Variants in PSMG2 observed in about 807,000 individuals in gnomAD.
PSMG2 encodes proteasome assembly chaperone 2, also known as CD40 ligand-activated specific transcript 3.
PSMG2 carries 21 observed loss-of-function variants against 31.5 expected under a neutral mutation model. That is an observed-to-expected ratio of 0.67 (90% confidence interval 0.47 to 0.96). The LOEUF (loss-of-function observed/expected upper bound fraction) is 0.96, where lower values mean the gene tolerates loss of function less well. Ranked by LOEUF, PSMG2 falls within the 40% of genes least tolerant of loss-of-function variation. PSMG2 has a pLI of 0.00. For synonymous variants in PSMG2, 120 were observed against 110.4 expected (o/e 1.09, Z -0.54); for missense variants, 318 against 321.2 (o/e 0.99, Z 0.08).
At chr18:12,695,414 G>C (rs866828697) in intron 1 of PSMG2, 1 of 720,908 alleles carries the variant, frequency 1.4e-6, no homozygotes, top group South Asian at 2.4e-5. Flanking sequence ...GTCAACCAAA[G>C]TCTAACCAAA....
chr18:12,700,925 T>C, upstream of PSMG2: 1 of 1,523,596 alleles, frequency 6.6e-7, no homozygotes. Context: ...TATACATATA[T>C]ACTCTCATTT....
chr18:12,662,299 C>A (rs2038707725), intron 1 of PSMG2: 1 of 368,908 alleles, frequency 2.7e-6, no homozygotes, highest in South Asian at 2.1e-5. Context: ...AAAATGTGCT[C>A]TTCAGTTATA....
chr18:12,724,379 GGT>G (rs1598689886), intron 5 of PSMG2, 118 bp from the exon 6 acceptor site: 2 of 985,038 alleles, frequency 2.0e-6, no homozygotes, highest in East Asian at 2.9e-5. Flanking sequence ...GTGATCTTAT[GGT>G]GTGGCGTCTT....
chr18:12,706,220 G>A (rs1339988654), intron 1 of PSMG2, among the ~76,000 whole-genome samples: 1 of 152,254 alleles, frequency 6.6e-6, no homozygotes, highest in African/African-American at 2.4e-5. Context: ...TGTAATCCCA[G>A]CACTTTGGGA....
chr18:12,678,689 CCGGATG>C (rs1167682060), intron 1 of PSMG2, among the ~76,000 whole-genome samples: 1 of 152,072 alleles, frequency 6.6e-6, no homozygotes, highest in Non-Finnish European at 1.5e-5. Context: ...AGATCAAAGG[CCGGATG>C]CGGTAGTCCC....
At chr18:12,675,222 C>T (rs531838154) in intron 1 of PSMG2, among the ~76,000 whole-genome samples, 10 of 152,178 alleles carry the variant, frequency 6.6e-5, no homozygotes, top group Non-Finnish European at 5.9e-5. Context: ...AGGTGAAACC[C>T]TGTATCTACT....
At chr18:12,666,153 C>CAA (rs35334528) in intron 1 of PSMG2, among the ~76,000 whole-genome samples, 3 of 116,876 alleles carry the variant, frequency 2.6e-5, no homozygotes, top group African/African-American at 6.9e-5. Context: ...CTCATCTCTA[C>CAA]AAAAAAAAAA....
chr18:12,696,802 A>G (rs2039973475), intron 1 of PSMG2, among the ~76,000 whole-genome samples: 1 of 152,144 alleles, frequency 6.6e-6, no homozygotes, highest in African/African-American at 2.4e-5. Context: ...ACACTGTAAA[A>G]GGTTGGGAGA....
intron 1 of PSMG2, chr18:12,678,209 A>G (rs1305904089): frequency 1.2e-6 from 2 of 1,614,054 alleles, no homozygotes; most frequent in Non-Finnish European, 1.7e-6. Flanking sequence ...AAAGGGAGGA[A>G]GGGATGTTGT....
intron 1 of PSMG2, chr18:12,686,067 A>T: frequency 2.1e-6 from 1 of 468,542 alleles, no homozygotes; most frequent in African/African-American, 2.0e-5. Flanking sequence ...AATTTGTACT[A>T]TTTTTTATTA....
chr18:12,690,676 CG>C (rs2145066837), intron 1 of PSMG2, among the ~76,000 whole-genome samples: 1 of 152,084 alleles, frequency 6.6e-6, no homozygotes, highest in East Asian at 1.9e-4. Flanking sequence ...AGGATGGTCT[CG>C]ATCTCCTGAC....
In PSMG2 at chr18:12,707,041, C is replaced by T. The variant is rs368189400; in HGVS notation, c.229+320C>T. ...CGCGATCTCCGCTCACTGCAAGCTC[C>T]GCCTCCCGGGTTCACGCCATTCTCC... On this transcript the variant is annotated intron_variant, in intron 2 of 6. Coordinates refer to ENST00000317615, the MANE Select transcript of PSMG2 (RefSeq NM_020232.5). 5.1e-4 allele frequency among the ~76,000 whole-genome samples: 77 copies of T among 152,246 alleles called. 1 individual carries two copies. The Middle Eastern group carries it at 0.014, about 27-fold the overall frequency.
At chr18:12,709,944 C>CT (rs768131982) in intron 2 of PSMG2, among the ~76,000 whole-genome samples, 4,458 of 132,192 alleles carry the variant, frequency 0.034, 203 homozygotes, top group African/African-American at 0.1. Context: ...CCCTCATAAA[C>CT]TTTTTTTTTT....
upstream of PSMG2, chr18:12,702,774 C>G (rs1258364375): frequency 1.4e-5 from 8 of 582,986 alleles, no homozygotes; most frequent in African/African-American, 1.4e-4. Flanking sequence ...GGCGGACAAA[C>G]AGGGCTTGGG....
intron 1 of PSMG2, among the ~76,000 whole-genome samples, chr18:12,679,679 A>G (rs551305658): frequency 6.6e-6 from 1 of 152,364 alleles, no homozygotes; most frequent in South Asian, 2.1e-4. Flanking sequence ...GGATTTGCCA[A>G]CGTGGAGATG....
At chr18:12,688,696 T>C (rs1407613450) in intron 1 of PSMG2, among the ~76,000 whole-genome samples, 5 of 152,216 alleles carry the variant, frequency 3.3e-5, no homozygotes, top group Admixed American at 1.3e-4. Flanking sequence ...TTATGAGCTA[T>C]TTAAATTTTA....
At chr18:12,701,472 A>T (rs2040147486), upstream of PSMG2, among the ~76,000 whole-genome samples, 1 of 152,154 alleles carries the variant, frequency 6.6e-6, no homozygotes, top group Non-Finnish European at 1.5e-5. Context: ...ACCAGCTTTC[A>T]ACTTAGTAGA....
intron 1 of PSMG2, among the ~76,000 whole-genome samples, chr18:12,677,135 G>A (rs1368719044): frequency 6.6e-6 from 1 of 152,026 alleles, no homozygotes; most frequent in East Asian, 1.9e-4. Context: ...ACTTTACAAA[G>A]GAAATCTACA....
chr18:12,693,640 G>A (rs1475461444), intron 1 of PSMG2, among the ~76,000 whole-genome samples: 2 of 152,028 alleles, frequency 1.3e-5, no homozygotes, highest in Non-Finnish European at 2.9e-5. Context: ...AAAATTAGCT[G>A]GGCGTGGTGG....
Sources: allele counts gnomAD v4.1 joint callset (sites outside exome capture counted in the v4.1 genomes callset), GRCh38; gene constraint gnomAD v4.1.1; transcripts MANE v1.5; gene names NCBI Gene and HGNC (gene_info 2026-07-23, HGNC 2026-07-21).